Variants in PTN observed in about 807,000 individuals in gnomAD.
The protein encoded by PTN is heparin affin regulatory protein.
In PTN, 18 loss-of-function variants were observed where a neutral mutation model predicts 24.1. That is an observed-to-expected ratio of 0.75 (90% confidence interval 0.52 to 1.11). The LOEUF is 1.11. Ranked by LOEUF, PTN falls within the 50% of genes least tolerant of loss-of-function variation. The pLI is 0.00. For missense variants in PTN, 163 were observed against 198.8 expected (o/e 0.82, Z 1.08); for synonymous variants, 78 against 68.6 (o/e 1.14, Z -0.67).
intron 1 of PTN, among the ~76,000 whole-genome samples, chr7:137,284,920 AT>A (rs1413428842): frequency 6.6e-6 from 1 of 152,212 alleles, no homozygotes; most frequent in African/African-American, 2.4e-5. Context: ...CTTGAAATAA[AT>A]TAACATCTGA....
At chr7:137,252,877 T>C (rs941553517) in intron 3 of PTN, among the ~76,000 whole-genome samples, 1 of 152,214 alleles carries the variant, frequency 6.6e-6, no homozygotes, top group African/African-American at 2.4e-5. Flanking sequence ...GAAAGATTTA[T>C]GAAACGTGGC....
intron 4 of PTN, among the ~76,000 whole-genome samples, chr7:137,241,160 G>T (rs937950914): frequency 1.3e-5 from 2 of 152,080 alleles, no homozygotes; most frequent in African/African-American, 4.8e-5. Context: ...CAGGAGAACG[G>T]CAAGAGGGAA....
chr7:137,228,182 C>CAT, intron 4 of PTN, 107 bp from the exon 5 acceptor site: 1 of 724,102 alleles, frequency 1.4e-6, no homozygotes, highest in East Asian at 2.5e-5. Flanking sequence ...CAGACTGATA[C>CAT]ACAAGTTGTT....
intron 1 of PTN, among the ~76,000 whole-genome samples, chr7:137,293,290 C>T (rs890841026): frequency 6.6e-6 from 1 of 152,082 alleles, no homozygotes. Flanking sequence ...CCTCCTACTT[C>T]CTGACTGACG....
chr7:137,267,049 G>A (rs56336747), intron 1 of PTN, among the ~76,000 whole-genome samples: 6 of 152,090 alleles, frequency 3.9e-5, no homozygotes, highest in African/African-American at 1.4e-4. Context: ...GGGTTACTGA[G>A]AATACCTTTA....
At chr7:137,229,865 G>T (rs1808398616) in intron 4 of PTN, among the ~76,000 whole-genome samples, 1 of 151,772 alleles carries the variant, frequency 6.6e-6, no homozygotes, top group Non-Finnish European at 1.5e-5. Flanking sequence ...ATTATTCAGT[G>T]TCTGAAAATG....
At chr7:137,233,889 A>AACACAC (rs113401589) in intron 4 of PTN, among the ~76,000 whole-genome samples, 5 of 147,560 alleles carry the variant, frequency 3.4e-5, no homozygotes, top group South Asian at 2.1e-4. Flanking sequence ...AAACCAAAGA[A>AACACAC]ACACACACAC....
intron 1 of PTN, among the ~76,000 whole-genome samples, chr7:137,262,971 A>C (rs1809069155): frequency 6.6e-6 from 1 of 152,168 alleles, no homozygotes; most frequent in Non-Finnish European, 1.5e-5. Flanking sequence ...GTATAAAACA[A>C]CATGAGAGGG....
intron 1 of PTN, among the ~76,000 whole-genome samples, chr7:137,339,316 A>T (rs1379405366): frequency 6.6e-6 from 1 of 152,122 alleles, no homozygotes; most frequent in East Asian, 1.9e-4. Flanking sequence ...ACCATGTTCT[A>T]TTTCTTAAAC....
rs545016200 is a variant in PTN, at chr7:137,268,239, C to A, written c.-1-13265G>T. ...GAGCGCTCTCAGGATCCGCGTCGCT[C>A]CGGCTGGTTGGAGTCCCCCGCAGGG... On this transcript the variant is annotated intron_variant, in intron 1 of 4. Coordinates refer to ENST00000348225, the MANE Select transcript of PTN (RefSeq NM_002825.7). 3.3e-5 allele frequency among the ~76,000 whole-genome samples: 5 copies of A among 152,206 alleles called. No individual in the cohort carries two copies. The South Asian group carries it at 1.0e-3, about 32-fold the overall frequency.
chr7:137,307,347 C>T (rs1251497748), intron 1 of PTN, among the ~76,000 whole-genome samples: 1 of 152,074 alleles, frequency 6.6e-6, no homozygotes, highest in African/African-American at 2.4e-5. Flanking sequence ...AAAGTTACCA[C>T]TGAGTTTCCA....
chr7:137,309,290 T>C (rs895805576), intron 1 of PTN, among the ~76,000 whole-genome samples: 2 of 152,204 alleles, frequency 1.3e-5, no homozygotes, highest in African/African-American at 4.8e-5. Flanking sequence ...TTTTAAAATA[T>C]TGTATTGCTA....
intron 1 of PTN, among the ~76,000 whole-genome samples, chr7:137,339,849 G>A (rs1227796834): frequency 7.1e-6 from 1 of 139,936 alleles, no homozygotes; most frequent in Non-Finnish European, 1.6e-5. Context: ...GAAGAAAAGG[G>A]AGCAAAGGGT....
rs1419827965 is a variant in PTN, at chr7:137,289,332, T to A, written c.-1-34358A>T. Among the ~76,000 whole-genome samples, 7 of 152,204 alleles carry A rather than the reference T, an allele frequency of 4.6e-5. No homozygotes were observed. In the East Asian group the frequency reaches 1.4e-3, roughly 29 times the overall value. On this transcript the variant is annotated intron_variant, in intron 1 of 4. Coordinates refer to ENST00000348225, the MANE Select transcript of PTN (RefSeq NM_002825.7). ...CTTTTTTATCAAAGGGAAAGAGCAG[T>A]CCTGTGAATCATTGGAAGAGAACTT...
intron 1 of PTN, among the ~76,000 whole-genome samples, chr7:137,312,486 C>T (rs142736535): frequency 6.6e-6 from 1 of 152,348 alleles, no homozygotes; most frequent in East Asian, 1.9e-4. Context: ...TCACCTGATG[C>T]ATACTTGCAA....
At chr7:137,324,477 T>C (rs1022560626) in intron 1 of PTN, among the ~76,000 whole-genome samples, 9 of 143,000 alleles carry the variant, frequency 6.3e-5, no homozygotes, top group African/African-American at 2.4e-4. Context: ...AGCCCTCATC[T>C]AAAAATTCTG....
chr7:137,252,322 CT>C (rs1386957789), intron 3 of PTN, among the ~76,000 whole-genome samples: 1 of 151,818 alleles, frequency 6.6e-6, no homozygotes, highest in African/African-American at 2.4e-5. Flanking sequence ...CATTTGTTGC[CT>C]ATATATCCTC....
intron 1 of PTN, among the ~76,000 whole-genome samples, chr7:137,300,508 A>G (rs1809789066): frequency 2.0e-5 from 3 of 151,968 alleles, no homozygotes; most frequent in Admixed American, 1.3e-4. Context: ...CATTGTGGAA[A>G]GAGACAGGAG....
At chr7:137,312,533 C>T (rs1809999149) in intron 1 of PTN, among the ~76,000 whole-genome samples, 1 of 152,220 alleles carries the variant, frequency 6.6e-6, no homozygotes, top group African/African-American at 2.4e-5. Context: ...CTCAGCTTTC[C>T]AATTCAGCTT....
Sources: gnomAD v4.1 joint callset for allele counts (sites outside exome capture counted in the v4.1 genomes callset) on GRCh38, gnomAD v4.1.1 for gene constraint, MANE v1.5 for transcripts, NCBI Gene and HGNC (gene_info 2026-07-23, HGNC 2026-07-21) for gene names.